The following SBF1 variants were observed in gnomAD, a reference collection of about 807,000 sequenced individuals.
SBF1 encodes the protein myotubularin-related protein 5.
In SBF1, 65 loss-of-function variants were observed where a neutral mutation model predicts 215.8. That is an observed-to-expected ratio of 0.30 (90% CI 0.25 to 0.37). The LOEUF (loss-of-function observed/expected upper bound fraction) is 0.37, where lower values mean the gene tolerates loss of function less well. Ranked by LOEUF, SBF1 falls within the 10% of genes least tolerant of loss-of-function variation. The probability of loss-of-function intolerance (pLI) is 1.00; values close to 1 mark genes in which losing one functional copy is unlikely to be tolerated. For missense variants in SBF1, 2,634 were observed against 2,667.8 expected, an observed-to-expected ratio of 0.99 and a Z score of 0.28; for synonymous variants, 1,410 against 1,122.8, an observed-to-expected ratio of 1.26 and a Z score of -5.11.
intron 29 of SBF1, 39 bp downstream of exon 29, chr22:50,456,995 A>G: frequency 7.2e-7 from 1 of 1,389,126 alleles, no homozygotes; most frequent in Non-Finnish European, 9.4e-7. Flanking sequence ...GCCAGCACCA[A>G]GTAAGGGGAG....
intron 1 of SBF1, among the ~76,000 whole-genome samples, chr22:50,469,978 T>G (rs1424886433): frequency 6.6e-6 from 1 of 151,908 alleles, no homozygotes. Flanking sequence ...TCACAAAACC[T>G]CAGCTTCCTG....
chr22:50,459,856 C>T (rs945295405), intron 26 of SBF1, 96 bp downstream of exon 26: 55 of 1,476,626 alleles, frequency 3.7e-5, no homozygotes, highest in Non-Finnish European at 5.0e-5. Flanking sequence ...CTCCACATTC[C>T]TTACATGACC....
chr22:50,459,104 C>T (rs921938723), intron 28 of SBF1, 151 bp downstream of exon 28: 24 of 1,220,468 alleles, frequency 2.0e-5, no homozygotes, highest in East Asian at 5.2e-5. Flanking sequence ...CCCTGCCCCA[C>T]GGCACCCGGA....
At position 50,447,612 on chromosome 22, in the gene SBF1, G is replaced by A. The variant is rs1478845343; in HGVS notation, c.5364-3C>T. The A allele has an allele frequency of 1.2e-6, 2 of 1,604,484 alleles. No individual in the cohort carries two copies. Among genetic ancestry groups the A allele is most frequent in the Non-Finnish European group, 1.7e-6 (2 of 1,174,896 alleles). On this transcript the variant is annotated splice_region_variant and splice_polypyrimidine_tract_variant and intron_variant, in intron 38 of 40. Coordinates refer to ENST00000380817, the MANE Select transcript of SBF1 (RefSeq NM_002972.4). ...TGTACAGAGTGCCCTCGTAGGACCT[G>A]CATTTCCAGCAGAACCAGGGCCAGG...
At chr22:50,457,986 G>A (rs2067325094) in intron 28 of SBF1, among the ~76,000 whole-genome samples, 2 of 152,208 alleles carry the variant, frequency 1.3e-5, no homozygotes, top group Admixed American at 6.5e-5. Flanking sequence ...GCCAACCAGG[G>A]CCCAGTGTAT....
At chr22:50,460,201 G>A (rs747538199) in intron 25 of SBF1, 42 bp from the exon 26 acceptor site, 35 of 1,604,794 alleles carry the variant, frequency 2.2e-5, no homozygotes, top group South Asian at 3.3e-5. Flanking sequence ...GGGCCACTCC[G>A]CCTGCCCTGA....
chr22:50,467,366 C>A lies in SBF1; in HGVS notation c.521G>T (p.Cys174Phe). The A allele has an allele frequency of 6.2e-7, 1 of 1,614,160 alleles. No homozygotes were observed. The highest frequency in any genetic ancestry group is 8.5e-7 in the Non-Finnish European group (1 of 1,180,018). Reference sequence around the variant, plus strand: ...CGAGCCCCCAGCCAGGGGCACAGTGCACGTCAGCAGGTTCCCAATCACGTT... The same window carrying A: ...CGAGCCCCCAGCCAGGGGCACAGTGAACGTCAGCAGGTTCCCAATCACGTT... ...LENVIGNLLT[C>F]TVPLAGGSQR... The change falls in exon 5 of 41, where the codon TGC becomes TTC. Residue 174 changes from cysteine (C) to phenylalanine (F), a missense_variant. Transcript: ENST00000380817.
Position 50,464,356 on chromosome 22 carries a change from A to G in SBF1, c.1722T>C (p.Phe574=). 2 of 1,614,022 alleles carry G rather than the reference A, an allele frequency of 1.2e-6. No individual in the cohort carries two copies. Among genetic ancestry groups the G allele is most frequent in the Non-Finnish European group, 1.7e-6 (2 of 1,179,972 alleles). The part of the protein sequence containing the change: ...EVVRNCISYV[F]EGKMLEAKKL... ...TCTTGGCCTCAAGCATTTTCCCCTC[A>G]AACACGTAGGAGATGCAGTTGCGCA... Residue 574 remains phenylalanine, a synonymous_variant, in exon 15 of 41, where the codon TTT becomes TTC. Coordinates refer to ENST00000380817, the MANE Select transcript of SBF1 (RefSeq NM_002972.4).
chr22:50,457,231 G>A, intron 28 of SBF1, 120 bp from the exon 29 acceptor site: 1 of 755,676 alleles, frequency 1.3e-6, no homozygotes, highest in Non-Finnish European at 2.0e-6. Flanking sequence ...GACAGCAGGG[G>A]TCAGCCCCAA....
chr22:50,469,115 G>A (rs542105805), intron 1 of SBF1, among the ~76,000 whole-genome samples: 30 of 152,286 alleles, frequency 2.0e-4, no homozygotes, highest in Admixed American at 5.9e-4. Flanking sequence ...GCAGCTAGAC[G>A]GGAAGGATGG....
intron 36 of SBF1, among the ~76,000 whole-genome samples, chr22:50,449,625 AACACACACAC>A (rs59541336): frequency 4.1e-5 from 6 of 146,856 alleles, no homozygotes; most frequent in African/African-American, 7.6e-5. Context: ...AAAACACACA[AACACACACAC>A]ACACACACAC....
At chr22:50,464,236 G>A in intron 15 of SBF1, 93 bp downstream of exon 15, 2 of 1,078,834 alleles carry the variant, frequency 1.9e-6, no homozygotes, top group Non-Finnish European at 2.8e-6. Context: ...AGGAGGCCCT[G>A]GGGCAGCGTC....
chr22:50,462,038 C>G lies in SBF1; in HGVS notation c.2478G>C (p.Val826=). The part of the protein sequence containing the change: ...DAETCDVAGA[V]VRFINRFVDK... ...CCACAAAGCGGTTGATGAAGCGGACCACAGCCCCAGCTACGTCGCAGGTCT... is the reference window on the plus strand; with the variant it reads ...CCACAAAGCGGTTGATGAAGCGGACGACAGCCCCAGCTACGTCGCAGGTCT... The change falls in exon 20 of 41, where the codon GTG becomes GTC. Residue 826 remains valine, a synonymous_variant. Coordinates refer to ENST00000380817, the MANE Select transcript of SBF1 (RefSeq NM_002972.4). The G allele has an allele frequency of 6.2e-7, 1 of 1,614,216 alleles. No homozygotes were observed. Among genetic ancestry groups the G allele is most frequent in the Non-Finnish European group, 8.5e-7 (1 of 1,180,046 alleles).
At chr22:50,459,841 TC>T in intron 26 of SBF1, 110 bp downstream of exon 26, 1 of 1,410,422 alleles carries the variant, frequency 7.1e-7, no homozygotes. Flanking sequence ...GCCCGGAGTC[TC>T]CCCCTCCACA....
At chr22:50,464,243 C>T (rs910077234) in intron 15 of SBF1, 86 bp downstream of exon 15, 20 of 1,141,524 alleles carry the variant, frequency 1.8e-5, no homozygotes, top group South Asian at 8.4e-5. Context: ...CCTGGGGCAG[C>T]GTCAGCACTC....
At chr22:50,464,007 G>A (rs1373130889) in intron 15 of SBF1, among the ~76,000 whole-genome samples, 1 of 152,206 alleles carries the variant, frequency 6.6e-6, no homozygotes, top group Non-Finnish European at 1.5e-5. Context: ...TTTCCATCAA[G>A]TACAAAGAAC....
chr22:50,446,356 T>TGCCCCCCCC lies in SBF1; in HGVS notation c.*785_*786insGGGGGGGGC, dbSNP rs2066808396. 5.7e-5 allele frequency: 2 copies of TGCCCCCCCC among 35,038 alleles called. No individual in the cohort carries two copies. Among genetic ancestry groups the TGCCCCCCCC allele is most frequent in the Non-Finnish European group, 1.2e-4 (2 of 17,164 alleles). The allele number at this position is 35,038 out of a possible 1,614,324, so 2.2% of individuals were successfully genotyped here. On this transcript the variant is annotated 3_prime_UTR_variant, in exon 41 of 41. Coordinates refer to ENST00000380817, the MANE Select transcript of SBF1 (RefSeq NM_002972.4). ...CCTGCATTCCCCTGGGAGCCCACTGTCCCCCCCCCCCCCCCGCCTCCGGCC... is the reference window on the plus strand; with the variant it reads ...CCTGCATTCCCCTGGGAGCCCACTGTGCCCCCCCCCCCCCCCCCCCCCCCGCCTCCGGCC...
chr22:50,468,539 A>C, intron 1 of SBF1, 78 bp from the exon 2 acceptor site: 2 of 919,672 alleles, frequency 2.2e-6, no homozygotes, highest in Non-Finnish European at 3.0e-6. Context: ...CAGGGTGGAA[A>C]CATTCCCACC....
intron 1 of SBF1, among the ~76,000 whole-genome samples, chr22:50,468,677 A>G (rs1262777835): frequency 6.6e-6 from 1 of 151,626 alleles, no homozygotes; most frequent in South Asian, 2.1e-4. Flanking sequence ...GCTACACCCC[A>G]TTCTCCGATC....
Sources: allele counts gnomAD v4.1 joint callset (sites outside exome capture counted in the v4.1 genomes callset), GRCh38; gene constraint gnomAD v4.1.1; transcripts MANE v1.5; gene names NCBI Gene and HGNC (gene_info 2026-07-23, HGNC 2026-07-21).